The following MAF variants were observed in gnomAD, a reference collection of about 807,000 sequenced individuals.
MAF encodes the protein transcription factor Maf.
Under a neutral mutation model 22.0 loss-of-function variants are expected in MAF, and 10 were observed. The ratio of observed to expected loss-of-function variants is 0.45; its 90% CI spans 0.28 to 0.77. MAF has a LOEUF of 0.77. Among genes scored for constraint, MAF ranks in the 30% least tolerant of loss-of-function variants. The probability of loss-of-function intolerance (pLI) is 0.12; values close to 1 mark genes in which losing one functional copy is unlikely to be tolerated. For synonymous variants in MAF, 337 were observed against 255.8 expected, an observed-to-expected ratio of 1.32 and a Z score of -3.03; for missense variants, 544 against 548.4, an observed-to-expected ratio of 0.99 and a Z score of 0.08.
chr16:79,553,296 C>A, the MAF span, among the ~76,000 whole-genome samples: 7 of 152,364 alleles, frequency 4.6e-5, no homozygotes, highest in South Asian at 1.4e-3. Flanking sequence ...GCAGAGAAAT[C>A]TGCATTCACA....
At chr16:79,338,580 G>A in the MAF span, among the ~76,000 whole-genome samples, 1 of 151,928 alleles carries the variant, frequency 6.6e-6, no homozygotes, top group Non-Finnish European at 1.5e-5. Flanking sequence ...GGTTACAGAA[G>A]CAAAATACTT....
chr16:79,504,862 A>T, the MAF span, among the ~76,000 whole-genome samples: 1 of 152,176 alleles, frequency 6.6e-6, no homozygotes, highest in African/African-American at 2.4e-5. Context: ...CAAGACTATG[A>T]CTTGTATGAA....
At chr16:79,412,297 A>G in the MAF span, among the ~76,000 whole-genome samples, 4 of 152,274 alleles carry the variant, frequency 2.6e-5, no homozygotes, top group South Asian at 2.1e-4. Flanking sequence ...GGGTATGATT[A>G]CCGTGGTACC....
At chr16:79,341,073 G>A in the MAF span, among the ~76,000 whole-genome samples, 27 of 152,300 alleles carry the variant, frequency 1.8e-4, no homozygotes, top group African/African-American at 3.4e-4. Context: ...GAAGGAGGCC[G>A]GAAGCAGGAA....
At chr16:79,575,594 T>C in the MAF span, among the ~76,000 whole-genome samples, 3 of 151,974 alleles carry the variant, frequency 2.0e-5, no homozygotes, top group East Asian at 1.9e-4. Flanking sequence ...GACCCAGGGG[T>C]GATGGTGGGA....
chr16:79,304,792 C>A, the MAF span, among the ~76,000 whole-genome samples: 1 of 152,166 alleles, frequency 6.6e-6, no homozygotes, highest in Non-Finnish European at 1.5e-5. Context: ...GTCCATTACA[C>A]TTTTGGTCAC....
At chr16:79,211,828 C>G in the MAF span, 6 of 1,613,024 alleles carry the variant, frequency 3.7e-6, no homozygotes, top group Non-Finnish European at 5.1e-6. Context: ...CACACACACC[C>G]GCCCTGTGTG....
the MAF span, among the ~76,000 whole-genome samples, chr16:79,247,187 A>G: frequency 6.6e-6 from 1 of 152,236 alleles, no homozygotes; most frequent in Non-Finnish European, 1.5e-5. Context: ...CCTGGTGAGC[A>G]AATAGCCAGT....
chr16:79,324,793 A>C, the MAF span, among the ~76,000 whole-genome samples: 1 of 152,188 alleles, frequency 6.6e-6, no homozygotes, highest in Non-Finnish European at 1.5e-5. Context: ...ACAAATGGCC[A>C]CAAACTTGGT....
chr16:79,541,264 T>G, the MAF span, among the ~76,000 whole-genome samples: 1 of 152,216 alleles, frequency 6.6e-6, no homozygotes, highest in Non-Finnish European at 1.5e-5. Context: ...ATTCCAGATT[T>G]AAGGGAAATC....
At chr16:79,259,199 C>G in the MAF span, among the ~76,000 whole-genome samples, 3 of 152,166 alleles carry the variant, frequency 2.0e-5, no homozygotes, top group African/African-American at 7.2e-5. Context: ...CTTACCTTCT[C>G]CCTTCCTGGC....
chr16:79,210,466 G>C, the MAF span, among the ~76,000 whole-genome samples: 1 of 152,214 alleles, frequency 6.6e-6, no homozygotes, highest in Admixed American at 6.5e-5. Context: ...GCTTTGGGTC[G>C]GGTCGGAAAG....
the MAF span, among the ~76,000 whole-genome samples, chr16:79,352,742 T>A: frequency 6.6e-6 from 1 of 152,198 alleles, no homozygotes; most frequent in South Asian, 2.1e-4. Context: ...TGGAGCCACA[T>A]AATCCTTTGT....
At chr16:79,355,490 G>T in the MAF span, among the ~76,000 whole-genome samples, 5 of 152,234 alleles carry the variant, frequency 3.3e-5, no homozygotes, top group Non-Finnish European at 7.3e-5. Flanking sequence ...AGGCAGAGAA[G>T]TGAGAGAAGG....
chr16:79,207,196 A>G, the MAF span, among the ~76,000 whole-genome samples: 1 of 152,224 alleles, frequency 6.6e-6, no homozygotes, highest in African/African-American at 2.4e-5. Flanking sequence ...CTCTCTGATA[A>G]ATGATTCTGT....
At chr16:79,219,378 G>C in the MAF span, among the ~76,000 whole-genome samples, 3 of 151,926 alleles carry the variant, frequency 2.0e-5, no homozygotes, top group East Asian at 5.8e-4. Context: ...GTTCATTTAA[G>C]ACTCACAGCT....
At chr16:79,380,434 A>AT in the MAF span, among the ~76,000 whole-genome samples, 1 of 152,188 alleles carries the variant, frequency 6.6e-6, no homozygotes, top group East Asian at 1.9e-4. Flanking sequence ...AGCTTATTCA[A>AT]TTTTTCCAAT....
At chr16:79,492,900 G>T in the MAF span, among the ~76,000 whole-genome samples, 5 of 152,118 alleles carry the variant, frequency 3.3e-5, no homozygotes, top group African/African-American at 1.2e-4. Flanking sequence ...TATGAAGGGG[G>T]TCTGCAGAAC....
the MAF span, among the ~76,000 whole-genome samples, chr16:79,378,935 G>A: frequency 2.0e-5 from 3 of 152,200 alleles, no homozygotes; most frequent in South Asian, 6.3e-4. Flanking sequence ...TTTTTAGGTG[G>A]CATTTATAAA....
Sources: gnomAD v4.1 joint callset for allele counts (sites outside exome capture counted in the v4.1 genomes callset) on GRCh38, gnomAD v4.1.1 for gene constraint, MANE v1.5 for transcripts, NCBI Gene and HGNC (gene_info 2026-07-23, HGNC 2026-07-21) for gene names.